Variants in MITF observed in about 807,000 individuals in gnomAD.
The protein encoded by MITF is melanocyte inducing transcription factor.
Under a neutral mutation model 60.5 loss-of-function variants are expected in MITF, and 17 were observed. The ratio of observed to expected loss-of-function variants is 0.28; its 90% CI spans 0.19 to 0.42. The LOEUF is 0.42. MITF is among the 10% of genes least tolerant of loss of function. MITF has a pLI of 1.00. For synonymous variants in MITF, 260 were observed against 248.5 expected, an observed-to-expected ratio of 1.05 and a Z score of -0.43; for missense variants, 622 against 683.5, an observed-to-expected ratio of 0.91 and a Z score of 1.00.
In MITF at chr3:69,967,296, C is replaced by G. The variant is rs1423252727; in HGVS notation, c.*2048C>G. On this transcript the variant is annotated 3_prime_UTR_variant, in exon 10 of 10. Coordinates refer to ENST00000352241, the MANE Select transcript of MITF (RefSeq NM_001354604.2). The stretch of plus-strand genomic sequence containing the variant: ...TCTTTCAACCCCCTTAACTGTATAG[C>G]TCTTTTCCTAGAATAGTGACGCAAA... 2 of 232,286 alleles carry G rather than the reference C, an allele frequency of 8.6e-6. No homozygotes were observed. Among genetic ancestry groups the G allele is most frequent in the African/African-American group, 4.4e-5 (2 of 45,220 alleles). 14.4% of individuals were successfully genotyped at this position (232,286 alleles called of 1,614,324 possible).
intron 5 of MITF, among the ~76,000 whole-genome samples, chr3:69,946,147 C>G (rs756363948): frequency 4.6e-5 from 7 of 152,172 alleles, no homozygotes; most frequent in Non-Finnish European, 1.0e-4. Context: ...TACTTTATCT[C>G]TATTAAATCT....
At chr3:69,751,757 A>G (rs1413997453) in intron 1 of MITF, among the ~76,000 whole-genome samples, 1 of 152,086 alleles carries the variant, frequency 6.6e-6, no homozygotes, top group East Asian at 1.9e-4. Flanking sequence ...CTCTGTTTCA[A>G]CAGAGGCTGA....
At chr3:69,918,206 A>C (rs1019041136) in intron 2 of MITF, among the ~76,000 whole-genome samples, 1 of 152,134 alleles carries the variant, frequency 6.6e-6, no homozygotes. Context: ...CTGGGATTAC[A>C]GGAGTTCACC....
At chr3:69,802,925 G>A (rs967941962) in intron 1 of MITF, among the ~76,000 whole-genome samples, 1 of 151,830 alleles carries the variant, frequency 6.6e-6, no homozygotes, top group Admixed American at 6.6e-5. Context: ...TTACAGGCAT[G>A]TGCCACCATG....
chr3:69,894,366 T>TGA (rs1248770147), intron 2 of MITF, among the ~76,000 whole-genome samples: 1 of 152,224 alleles, frequency 6.6e-6, no homozygotes, highest in East Asian at 1.9e-4. Flanking sequence ...CTTCCTTACA[T>TGA]GATATGTCCA....
At chr3:69,926,557 A>AG (rs1374123148) in intron 2 of MITF, among the ~76,000 whole-genome samples, 1 of 151,996 alleles carries the variant, frequency 6.6e-6, no homozygotes, top group Non-Finnish European at 1.5e-5. Flanking sequence ...GGGGCATTTG[A>AG]GGGGGGAAAT....
intron 1 of MITF, among the ~76,000 whole-genome samples, chr3:69,798,542 T>C (rs2062867480): frequency 6.6e-6 from 1 of 152,262 alleles, no homozygotes; most frequent in South Asian, 2.1e-4. Context: ...ATTGTCATTT[T>C]CATGATTAGA....
intron 2 of MITF, among the ~76,000 whole-genome samples, chr3:69,893,071 G>T (rs2064794780): frequency 6.6e-6 from 1 of 152,106 alleles, no homozygotes; most frequent in Non-Finnish European, 1.5e-5. Flanking sequence ...ACAGCCTTAG[G>T]TGAGATCTGG....
At chr3:69,918,268 G>A (rs944118426) in intron 2 of MITF, among the ~76,000 whole-genome samples, 1 of 151,956 alleles carries the variant, frequency 6.6e-6, no homozygotes, top group Non-Finnish European at 1.5e-5. Flanking sequence ...GGCTAGTCTC[G>A]AACTTCTGAC....
chr3:69,922,527 C>T (rs2065491622), intron 2 of MITF, among the ~76,000 whole-genome samples: 1 of 152,126 alleles, frequency 6.6e-6, no homozygotes, highest in African/African-American at 2.4e-5. Context: ...GCCGCCATTG[C>T]TTTTTAGTTT....
At chr3:69,851,528 G>A (rs1270407215) in intron 1 of MITF, among the ~76,000 whole-genome samples, 1 of 152,180 alleles carries the variant, frequency 6.6e-6, no homozygotes, top group Non-Finnish European at 1.5e-5. Context: ...AAGGTCAAAT[G>A]CACTTGCTAA....
At chr3:69,763,878 C>T (rs1289284061) in intron 1 of MITF, 13 of 1,378,200 alleles carry the variant, frequency 9.4e-6, no homozygotes, top group South Asian at 1.2e-5. Context: ...GGTTTTCCCA[C>T]GAGCTATTTT....
chr3:69,966,784 C>G lies in MITF; in HGVS notation c.*1536C>G, dbSNP rs961448174. ...GTTGAATGGAATTTCTCAGTAGCAG[C>G]CTACAACTGAATAGCAAGTGGCATA... On this transcript the variant is annotated 3_prime_UTR_variant, in exon 10 of 10. Transcript: ENST00000352241. 1.7e-5 allele frequency: 4 copies of G among 232,862 alleles called. No homozygotes were observed. The allele number at this position is 232,862 out of a possible 1,614,324, so 14.4% of individuals were successfully genotyped here.
chr3:69,805,252 A>G (rs1411105239), intron 1 of MITF, among the ~76,000 whole-genome samples: 2 of 152,190 alleles, frequency 1.3e-5, no homozygotes, highest in Non-Finnish European at 2.9e-5. Flanking sequence ...GTTGGAAGGA[A>G]ACTAGAATTT....
intron 1 of MITF, among the ~76,000 whole-genome samples, chr3:69,820,116 A>G (rs1425342905): frequency 1.3e-5 from 2 of 152,256 alleles, no homozygotes; most frequent in African/African-American, 4.8e-5. Context: ...TTCATATGAA[A>G]AAGGAAAGTA....
chr3:69,757,550 C>T (rs751575482), intron 1 of MITF, among the ~76,000 whole-genome samples: 11 of 151,946 alleles, frequency 7.2e-5, no homozygotes, highest in Non-Finnish European at 1.6e-4. Context: ...GATGAGCTTC[C>T]GAACTCTGCA....
Position 69,967,053 on chromosome 3 carries a change from T to C in MITF, c.*1805T>C, listed in dbSNP as rs990191133. 3 of 232,194 alleles carry C rather than the reference T, an allele frequency of 1.3e-5. No homozygotes were observed. Among genetic ancestry groups the C allele is most frequent in the Non-Finnish European group, 1.7e-5 (2 of 117,246 alleles). 14.4% of individuals were successfully genotyped at this position (232,194 alleles called of 1,614,324 possible). On this transcript the variant is annotated 3_prime_UTR_variant, in exon 10 of 10. Transcript: ENST00000352241. The stretch of plus-strand genomic sequence containing the variant: ...CATCAGGAAACCTTATTCAGGAGGG[T>C]TTTTAAAAAGTGTTTAAATGTCAAA...
At chr3:69,796,894 A>G (rs2062840765) in intron 1 of MITF, among the ~76,000 whole-genome samples, 1 of 152,142 alleles carries the variant, frequency 6.6e-6, no homozygotes, top group African/African-American at 2.4e-5. Context: ...TGCCACCAAC[A>G]AGTGATGTGT....
intron 1 of MITF, among the ~76,000 whole-genome samples, chr3:69,874,078 A>G (rs1043721606): frequency 2.0e-5 from 3 of 152,212 alleles, no homozygotes; most frequent in Admixed American, 6.5e-5. Context: ...CACTGTGTAT[A>G]TGAATATCCA....
Sources: allele counts gnomAD v4.1 joint callset (sites outside exome capture counted in the v4.1 genomes callset), GRCh38; gene constraint gnomAD v4.1.1; transcripts MANE v1.5; gene names NCBI Gene and HGNC (gene_info 2026-07-23, HGNC 2026-07-21).